AGAP1: variants seen among roughly 807,000 people sequenced by gnomAD.
AGAP1 encodes the protein arf-GAP with GTPase, ANK repeat and PH domain-containing protein 1.
In AGAP1, 29 loss-of-function variants were observed where a neutral mutation model predicts 105.3. That is an observed-to-expected ratio of 0.28 (90% CI 0.21 to 0.38). The LOEUF is 0.38. Ranked by LOEUF, AGAP1 falls within the 10% of genes least tolerant of loss-of-function variation. The pLI, the probability that AGAP1 is intolerant of heterozygous loss-of-function variation, is 1.00. For missense variants in AGAP1, 998 were observed against 1,165.1 expected (o/e 0.86, Z 2.09); for synonymous variants, 509 against 485.9 (o/e 1.05, Z -0.63).
intron 9 of AGAP1, among the ~76,000 whole-genome samples, chr2:235,813,302 A>G (rs1203003122): frequency 1.3e-5 from 2 of 152,254 alleles, no homozygotes; most frequent in African/African-American, 2.4e-5. Flanking sequence ...CTGCAAAGCA[A>G]TCGAAAAGAA....
At chr2:235,531,696 C>T (rs1943051266) in intron 1 of AGAP1, among the ~76,000 whole-genome samples, 1 of 151,818 alleles carries the variant, frequency 6.6e-6, no homozygotes, top group South Asian at 2.1e-4. Flanking sequence ...CAACCTCCGC[C>T]TCCCGGGTTC....
In AGAP1 at chr2:235,904,871, C is replaced by G. The variant is rs1358123213; in HGVS notation, c.1156-3867C>G. 1.3e-5 allele frequency among the ~76,000 whole-genome samples: 2 copies of G among 152,028 alleles called. No homozygotes were observed. The highest frequency in any genetic ancestry group is 2.9e-5 in the Non-Finnish European group (2 of 68,008). Reference sequence around the variant, plus strand: ...CCCACCTGTGTGTGAAGCGCTGAGTCGGAGGGCTTTTATTGAGTAGGAAAT... The same window carrying G: ...CCCACCTGTGTGTGAAGCGCTGAGTGGGAGGGCTTTTATTGAGTAGGAAAT... On this transcript the variant is annotated intron_variant, in intron 10 of 17. Coordinates refer to ENST00000304032, the MANE Select transcript of AGAP1 (RefSeq NM_001037131.3). The surrounding 1 kb of genome is among the most constrained non-coding windows in gnomAD (Gnocchi z 4.2).
intron 15 of AGAP1, among the ~76,000 whole-genome samples, chr2:236,041,993 C>CT (rs1250238992): frequency 6.6e-6 from 1 of 152,108 alleles, no homozygotes; most frequent in Non-Finnish European, 1.5e-5. Context: ...ATTAGAGATG[C>CT]TTTTTGGGCT....
At chr2:235,858,228 T>G (rs1412088213) in intron 9 of AGAP1, among the ~76,000 whole-genome samples, 1 of 152,234 alleles carries the variant, frequency 6.6e-6, no homozygotes, top group African/African-American at 2.4e-5. Context: ...GTAAGCAGAT[T>G]AGTATTCATT....
chr2:235,932,359 C>T (rs2052765588), intron 12 of AGAP1, among the ~76,000 whole-genome samples: 1 of 152,240 alleles, frequency 6.6e-6, no homozygotes, highest in African/African-American at 2.4e-5. Context: ...CTCTTCGTGA[C>T]TGAAGAACCA....
chr2:235,746,377 CTTTTTTTTTTTTTTTTTTTTTTTTTTTT>C (rs1172393048), intron 5 of AGAP1, among the ~76,000 whole-genome samples: 2 of 55,546 alleles, frequency 3.6e-5, no homozygotes, highest in South Asian at 2.3e-3. Context: ...CCTCCCCCAA[CTTTTTTTTTTTTTTTTTTTTTTTTTTTT>C]TTTTTTAAAG....
intron 1 of AGAP1, among the ~76,000 whole-genome samples, chr2:235,707,330 T>G (rs1040778866): frequency 6.9e-5 from 5 of 72,112 alleles, no homozygotes; most frequent in African/African-American, 1.8e-4. Context: ...CACTCAGATC[T>G]CCTCCTGATC....
rs1574968453 is a variant in AGAP1, at chr2:235,615,062, A to G, written c.164-94117A>G. Among the ~76,000 whole-genome samples, 1 of 152,154 alleles carries G rather than the reference A, an allele frequency of 6.6e-6. No homozygotes were observed. Among genetic ancestry groups the G allele is most frequent in the East Asian group, 1.9e-4 (1 of 5,194 alleles). On this transcript the variant is annotated intron_variant, in intron 1 of 17. Coordinates refer to ENST00000304032, the MANE Select transcript of AGAP1 (RefSeq NM_001037131.3). This position sits in a 1 kb window ranked among gnomAD's most constrained non-coding sequence, Gnocchi z 5.0. Reference sequence around the variant, plus strand: ...TTTTTAAAATTTCTAATAAAATGCAAATGATTACAGCCCCTTCCATGAAGA... The same window carrying G: ...TTTTTAAAATTTCTAATAAAATGCAGATGATTACAGCCCCTTCCATGAAGA...
intron 16 of AGAP1, among the ~76,000 whole-genome samples, chr2:236,052,589 G>A (rs1445416863): frequency 6.6e-6 from 1 of 152,176 alleles, no homozygotes; most frequent in East Asian, 1.9e-4. Flanking sequence ...GCTGACGGCG[G>A]CTGAAGCAGT....
At chr2:235,903,409 A>G (rs1304398171) in intron 10 of AGAP1, among the ~76,000 whole-genome samples, 1 of 152,230 alleles carries the variant, frequency 6.6e-6, no homozygotes, top group Admixed American at 6.5e-5. Flanking sequence ...GATGCCAATC[A>G]TATAGTGTAT....
chr2:236,098,705 G>A (rs578180071), intron 16 of AGAP1, among the ~76,000 whole-genome samples: 68 of 143,908 alleles, frequency 4.7e-4, no homozygotes, highest in African/African-American at 1.6e-3. Flanking sequence ...GGTCACTGCC[G>A]CTTCCCGCTG....
intron 1 of AGAP1, among the ~76,000 whole-genome samples, chr2:235,579,361 C>T (rs1021589982): frequency 3.9e-5 from 6 of 152,154 alleles, no homozygotes; most frequent in Non-Finnish European, 8.8e-5. Flanking sequence ...CAAAACAAAC[C>T]TTATTTGGGC....
At chr2:235,681,934 T>C (rs1313831276) in intron 1 of AGAP1, among the ~76,000 whole-genome samples, 3 of 138,370 alleles carry the variant, frequency 2.2e-5, no homozygotes, top group Admixed American at 7.7e-5. Flanking sequence ...CACTGCACCC[T>C]CTGCCTCCCA....
chr2:235,589,150 GA>G (rs1182066581), intron 1 of AGAP1, among the ~76,000 whole-genome samples: 2 of 141,578 alleles, frequency 1.4e-5, no homozygotes, highest in Non-Finnish European at 3.1e-5. Context: ...GATGCTGGTA[GA>G]AAAGGAGATT....
At position 235,690,428 on chromosome 2, in the gene AGAP1, A is replaced by G. The variant is rs917184384; in HGVS notation, c.164-18751A>G. Among the ~76,000 whole-genome samples the G allele has an allele frequency of 1.3e-5, 2 of 152,100 alleles. No homozygotes were observed. Among genetic ancestry groups the G allele is most frequent in the Non-Finnish European group, 2.9e-5 (2 of 68,030 alleles). On this transcript the variant is annotated intron_variant, in intron 1 of 17. Coordinates refer to ENST00000304032, the MANE Select transcript of AGAP1 (RefSeq NM_001037131.3). This position sits in a 1 kb window ranked among gnomAD's most constrained non-coding sequence, Gnocchi z 4.1. ...GGCAGAGCTCACATTGGAGCACTTGATATTATGCATTTGAAACATTGAGAC... is the reference window on the plus strand; with the variant it reads ...GGCAGAGCTCACATTGGAGCACTTGGTATTATGCATTTGAAACATTGAGAC...
In AGAP1 at chr2:235,660,925, C is replaced by G. The variant is rs1251363689; in HGVS notation, c.164-48254C>G. ...CATCATTCTGGCCTTGGAGCCCAGC[C>G]TCTTAGCCACTCAGTGCAACTGTGG... is the stretch of plus-strand genomic sequence containing the variant. On this transcript the variant is annotated intron_variant, in intron 1 of 17. Transcript: ENST00000304032. The surrounding 1 kb of genome is among the most constrained non-coding windows in gnomAD (Gnocchi z 5.3). Among the ~76,000 whole-genome samples, 1 of 152,182 alleles carries G rather than the reference C, an allele frequency of 6.6e-6. No individual in the cohort carries two copies. Among genetic ancestry groups the G allele is most frequent in the Non-Finnish European group, 1.5e-5 (1 of 68,038 alleles).
intron 6 of AGAP1, among the ~76,000 whole-genome samples, chr2:235,757,678 G>C (rs1328360115): frequency 1.3e-5 from 2 of 152,180 alleles, no homozygotes; most frequent in Non-Finnish European, 2.9e-5. Flanking sequence ...GCCCGAGCTG[G>C]GAGAGGTTGC....
At chr2:235,952,706 A>G (rs2053788884) in intron 12 of AGAP1, among the ~76,000 whole-genome samples, 1 of 152,214 alleles carries the variant, frequency 6.6e-6, no homozygotes. Context: ...GTTGTTGATC[A>G]TATCTGTAAA....
chr2:235,664,227 T>C lies in AGAP1; in HGVS notation c.164-44952T>C, dbSNP rs904446160. ...ATAGTTTGTTTTTTTGTTTTTTTTT[T>C]CGAGACGGAGTTTCACTATTGTTGC... On this transcript the variant is annotated intron_variant, in intron 1 of 17. Coordinates refer to ENST00000304032, the MANE Select transcript of AGAP1 (RefSeq NM_001037131.3). This position sits in a 1 kb window ranked among gnomAD's most constrained non-coding sequence, Gnocchi z 5.7. Among the ~76,000 whole-genome samples the C allele has an allele frequency of 2.0e-5, 3 of 152,172 alleles. No homozygotes were observed. The highest frequency in any genetic ancestry group is 6.5e-5 in the Admixed American group (1 of 15,284).
Sources: gnomAD v4.1 joint callset for allele counts (sites outside exome capture counted in the v4.1 genomes callset) on GRCh38, gnomAD v4.1.1 for gene constraint, Gnocchi (gnomAD v3.1) non-coding constraint, MANE v1.5 for transcripts, NCBI Gene and HGNC (gene_info 2026-07-23, HGNC 2026-07-21) for gene names.